TNXB: variants seen among roughly 807,000 people sequenced by gnomAD.
TNXB encodes tenascin XB, also known as tenascin-X.
In TNXB, 183 loss-of-function variants were observed where a neutral mutation model predicts 340.5. That is an observed-to-expected ratio of 0.54 (90% confidence interval 0.48 to 0.61). The LOEUF is 0.61. TNXB is among the 20% of genes least tolerant of loss of function. The pLI, the probability that TNXB is intolerant of heterozygous loss-of-function variation, is 0.00. For missense variants in TNXB, 4,613 were observed against 5,446.4 expected (o/e 0.85, Z 4.82); for synonymous variants, 2,121 against 2,314.5 (o/e 0.92, Z 2.40).
chr6:32,077,529 C>T (rs1779144573), intron 11 of TNXB, among the ~76,000 whole-genome samples: 1 of 152,218 alleles, frequency 6.6e-6, no homozygotes, highest in Non-Finnish European at 1.5e-5. Context: ...AAGAGATTCC[C>T]CTCACTGTGA....
chr6:32,079,085 G>A lies in TNXB; in HGVS notation c.4323C>T (p.Tyr1441=), dbSNP rs369938377. Residue 1441 remains tyrosine (Y), a synonymous_variant, in exon 11 of 44, where the codon TAC becomes TAT. Coordinates refer to ENST00000644971, the MANE Select transcript of TNXB (RefSeq NM_001365276.2). The surrounding 1 kb of genome is among the most constrained non-coding windows in gnomAD (Gnocchi z 7.1). Reference sequence around the variant, plus strand: ...CCACGCGCTGCCCCTCGTGGAGGCCGTACAGGTGCATCTTGTACTTGTGCC... The same window carrying A: ...CCACGCGCTGCCCCTCGTGGAGGCCATACAGGTGCATCTTGTACTTGTGCC... ...EPGHKYKMHL[Y]GLHEGQRVGP... 2.9e-5 allele frequency: 46 copies of A among 1,613,604 alleles called. No individual in the cohort carries two copies. Among genetic ancestry groups the A allele is most frequent in the South Asian group, 1.6e-4 (15 of 91,068 alleles).
At position 32,072,427 on chromosome 6, in the gene TNXB, G is replaced by T; in HGVS notation, c.4682-129C>A. ...CACCTTTACTTCCAGACCTCTAACTGAAATGCAGCATTTCTTTCCAAAACT... is the reference window on the plus strand; with the variant it reads ...CACCTTTACTTCCAGACCTCTAACTTAAATGCAGCATTTCTTTCCAAAACT... On this transcript the variant is annotated intron_variant, in intron 12 of 43. Transcript: ENST00000644971. The surrounding 1 kb of genome is among the most constrained non-coding windows in gnomAD (Gnocchi z 4.4). 1 of 680,856 alleles carries T rather than the reference G, an allele frequency of 1.5e-6. No individual in the cohort carries two copies. The highest frequency in any genetic ancestry group is 2.2e-6 in the Non-Finnish European group (1 of 445,248). The allele number at this position is 680,856 out of a possible 1,614,324, so 42.2% of individuals were successfully genotyped here. A position where few individuals can be genotyped will look rare whatever the true frequency, so the allele number is the denominator to read the frequency against.
rs772341129 is a variant in TNXB, at chr6:32,050,116, C to T, written c.9321G>A (p.Pro3107=). 2.5e-5 allele frequency: 40 copies of T among 1,613,630 alleles called. No individual in the cohort carries two copies. The highest frequency in any genetic ancestry group is 3.1e-5 in the Non-Finnish European group (36 of 1,179,884). The part of the protein sequence containing the change: ...GDGQPKAVRV[P]GHEDGVTISG... ...AGATGGTGACCCCGTCCTCGTGCCC[C>T]GGCACCCGCACCGCCTTGGGCTGCC... The change falls in exon 27 of 44, where the codon CCG becomes CCA. Residue 3107 remains proline (P), a synonymous_variant. Transcript: ENST00000644971.
At chr6:32,091,818 A>G (rs1435286793) in intron 4 of TNXB, among the ~76,000 whole-genome samples, 3 of 152,170 alleles carry the variant, frequency 2.0e-5, no homozygotes, top group African/African-American at 4.8e-5. Flanking sequence ...GTTTATCTCA[A>G]TATTAACCTC....
chr6:32,081,484 C>A lies in TNXB; in HGVS notation c.3926G>T (p.Gly1309Val), dbSNP rs769553878. ...QGQPQAVPVA[G>V]DENEVTVPGL... ...GGGGACAGTAACCTCATTCTCATCC[C>A]CCGCAACAGGCACTGCCTGGGGCTG... Residue 1309 changes from glycine to valine, a missense_variant, in exon 10 of 44, where the codon GGG becomes GTG. By Grantham distance (109) the Gly-to-Val change is moderately radical (BLOSUM62 -3). Coordinates refer to ENST00000644971, the MANE Select transcript of TNXB (RefSeq NM_001365276.2). This position sits in a 1 kb window ranked among gnomAD's most constrained non-coding sequence, Gnocchi z 5.1. 27 of 1,604,694 alleles carry A rather than the reference C, an allele frequency of 1.7e-5. No individual in the cohort carries two copies. Among genetic ancestry groups the A allele is most frequent in the Non-Finnish European group, 2.1e-5 (25 of 1,175,808 alleles).
intron 1 of TNXB, among the ~76,000 whole-genome samples, chr6:32,099,379 C>T (rs1780595875): frequency 1.3e-5 from 2 of 151,948 alleles, no homozygotes; most frequent in African/African-American, 4.8e-5. Context: ...ATTATAGGTG[C>T]CCACCTCCAT....
Position 32,080,062 on chromosome 6 carries a change from G to A in TNXB, c.4043-697C>T, listed in dbSNP as rs1779348295. Among the ~76,000 whole-genome samples, 1 of 152,168 alleles carries A rather than the reference G, an allele frequency of 6.6e-6. No homozygotes were observed. Among genetic ancestry groups the A allele is most frequent in the African/African-American group, 2.4e-5 (1 of 41,428 alleles). On this transcript the variant is annotated intron_variant, in intron 10 of 43. Coordinates refer to ENST00000644971, the MANE Select transcript of TNXB (RefSeq NM_001365276.2). The surrounding 1 kb of genome is among the most constrained non-coding windows in gnomAD (Gnocchi z 4.3). ...GGATAGCAGATTGAGGAAAGAATTGGCAAGAATGACAACCCAGAGGAAGGG... is the reference window on the plus strand; with the variant it reads ...GGATAGCAGATTGAGGAAAGAATTGACAAGAATGACAACCCAGAGGAAGGG...
chr6:32,078,069 G>GAA, intron 11 of TNXB, among the ~76,000 whole-genome samples: 1 of 112,634 alleles, frequency 8.9e-6, no homozygotes, highest in Non-Finnish European at 1.8e-5. Flanking sequence ...GAGACAGAAA[G>GAA]AAAGAGAAAG....
At chr6:32,063,618 C>A (rs531621231) in intron 19 of TNXB, among the ~76,000 whole-genome samples, 1 of 152,168 alleles carries the variant, frequency 6.6e-6, no homozygotes, top group Non-Finnish European at 1.5e-5. Context: ...TGCTAACTTA[C>A]GGCAGAGAGA....
intron 1 of TNXB, among the ~76,000 whole-genome samples, chr6:32,105,618 C>G (rs1780940143): frequency 6.6e-6 from 1 of 152,084 alleles, no homozygotes. Flanking sequence ...AAGGGCAGGA[C>G]CAAGGTCAGG....
chr6:32,048,950 G>C (rs1352565861), intron 28 of TNXB, among the ~76,000 whole-genome samples: 1 of 152,178 alleles, frequency 6.6e-6, no homozygotes, highest in African/African-American at 2.4e-5. Flanking sequence ...TGCAGATCTG[G>C]GCAGCTGGAT....
intron 29 of TNXB, 69 bp from the exon 30 acceptor site, chr6:32,048,081 C>CT: frequency 1.3e-6 from 2 of 1,537,538 alleles, no homozygotes; most frequent in Non-Finnish European, 1.8e-6. Context: ...TCCTGGGCTG[C>CT]TATGGCTCTG....
intron 23 of TNXB, 122 bp from the exon 24 acceptor site, chr6:32,056,296 T>C: frequency 7.7e-7 from 1 of 1,304,960 alleles, no homozygotes; most frequent in African/African-American, 1.5e-5. Context: ...AAAAGCCCAT[T>C]CTTGGGGCTG....
chr6:32,064,438 T>A lies in TNXB; in HGVS notation c.6841+383A>T, dbSNP rs963275915. Among the ~76,000 whole-genome samples the A allele has an allele frequency of 1.3e-5, 2 of 152,220 alleles. No homozygotes were observed. The highest frequency in any genetic ancestry group is 4.8e-5 in the African/African-American group (2 of 41,468). ...GATGTTGGCCAGGCTGGTCTCGAAC[T>A]CCTGACCTCAAGTGATCTGCCCCCT... On this transcript the variant is annotated intron_variant, in intron 19 of 43. Coordinates refer to ENST00000644971, the MANE Select transcript of TNXB (RefSeq NM_001365276.2). This position sits in a 1 kb window ranked among gnomAD's most constrained non-coding sequence, Gnocchi z 5.3.
intron 11 of TNXB, among the ~76,000 whole-genome samples, chr6:32,076,977 G>C (rs901480226): frequency 6.6e-6 from 1 of 152,010 alleles, no homozygotes; most frequent in African/African-American, 2.4e-5. Flanking sequence ...GCAAGACTCT[G>C]TCTCAAAAAA....
rs1778711217 is a variant in TNXB at position 32,070,508 on chromosome 6, T to G, written c.4991-94A>C. 7.6e-7 allele frequency: 1 copy of G among 1,320,782 alleles called. No individual in the cohort carries two copies. Among genetic ancestry groups the G allele is most frequent in the Non-Finnish European group, 1.0e-6 (1 of 985,010 alleles). 81.8% of individuals were successfully genotyped at this position (1,320,782 alleles called of 1,614,324 possible). A position where few individuals can be genotyped will look rare whatever the true frequency, so the allele number is the denominator to read the frequency against. On this transcript the variant is annotated intron_variant, in intron 13 of 43. Coordinates refer to ENST00000644971, the MANE Select transcript of TNXB (RefSeq NM_001365276.2). The surrounding 1 kb of genome is among the most constrained non-coding windows in gnomAD (Gnocchi z 6.0). ...GAAAAACCCAGAACTGCCCAAATGC[T>G]CAGTGCTTCCCCAAAATATTTCCAT...
chr6:32,077,265 C>G (rs2127239350), intron 11 of TNXB, among the ~76,000 whole-genome samples: 1 of 152,288 alleles, frequency 6.6e-6, no homozygotes, highest in East Asian at 1.9e-4. Context: ...CCTCAGGCCC[C>G]AAGGACAGCC....
At position 32,061,870 on chromosome 6, in the gene TNXB, T is replaced by C. The variant is rs377157197; in HGVS notation, c.7169-150A>G. The C allele has an allele frequency of 6.9e-5, 83 of 1,198,034 alleles. No individual in the cohort carries two copies. Among genetic ancestry groups the C allele is most frequent in the East Asian group, 6.4e-4 (25 of 39,232 alleles). 74.2% of individuals were successfully genotyped at this position (1,198,034 alleles called of 1,614,324 possible). On this transcript the variant is annotated intron_variant, in intron 20 of 43. Transcript: ENST00000644971. This position sits in a 1 kb window ranked among gnomAD's most constrained non-coding sequence, Gnocchi z 4.4. ...CCTGAGGTCAGTTCAGAGAGGCCCA[T>C]TCTTGGGGTCCTGCTCAGCTGACAG...
intron 1 of TNXB, among the ~76,000 whole-genome samples, chr6:32,105,887 C>A (rs1780953010): frequency 6.6e-6 from 1 of 152,160 alleles, no homozygotes; most frequent in South Asian, 2.1e-4. Flanking sequence ...AAACATTTCA[C>A]ATCAGTAGAA....
Sources: allele counts gnomAD v4.1 joint callset (sites outside exome capture counted in the v4.1 genomes callset), GRCh38; gene constraint gnomAD v4.1.1; non-coding constraint Gnocchi (gnomAD v3.1); transcripts MANE v1.5; gene names NCBI Gene and HGNC (gene_info 2026-07-23, HGNC 2026-07-21).